Variants in TPCN1 observed in about 807,000 individuals in gnomAD.
TPCN1 encodes two pore segment channel 1.
TPCN1 carries 52 observed loss-of-function variants against 108.8 expected under a neutral mutation model. That is an observed-to-expected ratio of 0.48 (90% CI 0.38 to 0.60). The LOEUF (loss-of-function observed/expected upper bound fraction) is 0.60, where lower values mean the gene tolerates loss of function less well. Among genes scored for constraint, TPCN1 ranks in the 20% least tolerant of loss-of-function variants. TPCN1 has a pLI of 0.00. For missense variants in TPCN1, 806 were observed against 1,072.8 expected, an observed-to-expected ratio of 0.75 and a Z score of 3.47; for synonymous variants, 446 against 433.7, an observed-to-expected ratio of 1.03 and a Z score of -0.35.
chr12:113,291,107 G>A, intron 23 of TPCN1, 109 bp downstream of exon 23: 1 of 1,093,590 alleles, frequency 9.1e-7, no homozygotes, highest in Non-Finnish European at 1.4e-6. Context: ...CAGGGCTGGG[G>A]GTCTTGAGTC....
intron 2 of TPCN1, chr12:113,245,915 G>A (rs770687239): frequency 2.2e-6 from 1 of 455,396 alleles, no homozygotes; most frequent in African/African-American, 2.0e-5. Flanking sequence ...CCACCAGGAC[G>A]CTGCTGCATG....
chr12:113,270,798 G>A (rs1955468541), intron 7 of TPCN1, among the ~76,000 whole-genome samples: 1 of 151,922 alleles, frequency 6.6e-6, no homozygotes, highest in African/African-American at 2.4e-5. Context: ...TCTTTTATAG[G>A]GGCACTAATC....
Position 113,285,908 on chromosome 12 carries a change from C to T in TPCN1, c.1473C>T (p.Phe491=), listed in dbSNP as rs61739924. The change falls in exon 18 of 28, where the codon TTC becomes TTT. Residue 491 remains phenylalanine (F), a synonymous_variant. Transcript: ENST00000335509. The part of the protein sequence containing the change: ...VFLTIYGVEL[F]LKVAGLGPVE... ...CCACAGTCTATGGGGTGGAGCTGTTCCTGAAGGTTGCCGGCCTGGGCCCTG... is the reference window on the plus strand; with the variant it reads ...CCACAGTCTATGGGGTGGAGCTGTTTCTGAAGGTTGCCGGCCTGGGCCCTG... 4.5e-4 allele frequency: 731 copies of T among 1,614,172 alleles called. 8 individuals carry two copies. In the African/African-American group the frequency reaches 8.8e-3, roughly 19 times the overall value.
rs963788465 is a variant in TPCN1 at position 113,269,934 on chromosome 12, C to G, written c.748+89C>G. The G allele has an allele frequency of 7.1e-7, 1 of 1,409,032 alleles. No individual in the cohort carries two copies. Among genetic ancestry groups the G allele is most frequent in the Non-Finnish European group, 9.9e-7 (1 of 1,009,424 alleles). The allele number at this position is 1,409,032 out of a possible 1,614,324, so 87.3% of individuals were successfully genotyped here. A position where few individuals can be genotyped will look rare whatever the true frequency, so the allele number is the denominator to read the frequency against. ...ATTTTGGGCCTGGCTCAGTGGCTCACGCCTGTAATCCTAGCATTTTGGGAG... is the reference window on the plus strand; with the variant it reads ...ATTTTGGGCCTGGCTCAGTGGCTCAGGCCTGTAATCCTAGCATTTTGGGAG... On this transcript the variant is annotated intron_variant, in intron 7 of 27. Coordinates refer to ENST00000335509, the MANE Select transcript of TPCN1 (RefSeq NM_017901.6). The surrounding 1 kb of genome is among the most constrained non-coding windows in gnomAD (Gnocchi z 5.0).
Position 113,288,491 on chromosome 12 carries a change from A to G in TPCN1, c.1706+257A>G, listed in dbSNP as rs1481730715. 1 of 1,503,128 alleles carries G rather than the reference A, an allele frequency of 6.7e-7. No individual in the cohort carries two copies. The highest frequency in any genetic ancestry group is 2.5e-5 in the East Asian group (1 of 40,466). The allele number at this position is 1,503,128 out of a possible 1,614,324, so 93.1% of individuals were successfully genotyped here. On this transcript the variant is annotated intron_variant, in intron 20 of 27. Transcript: ENST00000335509. This position sits in a 1 kb window ranked among gnomAD's most constrained non-coding sequence, Gnocchi z 4.8. ...TCGCTTACCACCTGTGTCTACATTC[A>G]CAGGTAAGGGGTCACCTGTGAGTCT...
At chr12:113,291,754 C>G (rs955003731) in intron 24 of TPCN1, 77 bp downstream of exon 24, 2 of 1,579,030 alleles carry the variant, frequency 1.3e-6, no homozygotes, top group African/African-American at 2.7e-5. Flanking sequence ...CAGCCTGCAG[C>G]GTCAGGGAGT....
chr12:113,227,211 C>G (rs1953503429), intron 2 of TPCN1, among the ~76,000 whole-genome samples: 1 of 152,192 alleles, frequency 6.6e-6, no homozygotes, highest in Non-Finnish European at 1.5e-5. Context: ...TCTCCACTGC[C>G]TGCCTTGCAC....
At position 113,286,981 on chromosome 12, in the gene TPCN1, C is replaced by T; in HGVS notation, c.1527-6C>T. On this transcript the variant is annotated splice_region_variant and splice_polypyrimidine_tract_variant and intron_variant, in intron 18 of 27. Coordinates refer to ENST00000335509, the MANE Select transcript of TPCN1 (RefSeq NM_017901.6). Reference sequence around the variant, plus strand: ...AGGGTGGACCTTGGCCTCTCCCCTACTGCAGGTTTGACTTCTCCGTGACAG... The same window carrying T: ...AGGGTGGACCTTGGCCTCTCCCCTATTGCAGGTTTGACTTCTCCGTGACAG... The T allele has an allele frequency of 6.2e-7, 1 of 1,611,732 alleles. No homozygotes were observed. The highest frequency in any genetic ancestry group is 8.5e-7 in the Non-Finnish European group (1 of 1,178,414).
chr12:113,236,522 A>G (rs919463538), intron 2 of TPCN1, among the ~76,000 whole-genome samples: 1 of 152,058 alleles, frequency 6.6e-6, no homozygotes, highest in Non-Finnish European at 1.5e-5. Flanking sequence ...GGGAGGGGAA[A>G]TGGCATAGGC....
intron 27 of TPCN1, among the ~76,000 whole-genome samples, chr12:113,295,593 G>C (rs370631296): frequency 6.6e-6 from 1 of 152,028 alleles, no homozygotes; most frequent in African/African-American, 2.4e-5. Context: ...TCGGTGTCTC[G>C]GGTGTGAAAC....
At chr12:113,259,084 C>G (rs1954924097) in intron 2 of TPCN1, among the ~76,000 whole-genome samples, 1 of 151,174 alleles carries the variant, frequency 6.6e-6, no homozygotes, top group Non-Finnish European at 1.5e-5. Flanking sequence ...TCAAGTGATT[C>G]TCATGCCTCA....
In TPCN1 at chr12:113,267,906, C is replaced by G; in HGVS notation, c.478C>G (p.Arg160Gly). 6.2e-7 allele frequency: 1 copy of G among 1,614,144 alleles called. No homozygotes were observed. Among genetic ancestry groups the G allele is most frequent in the Non-Finnish European group, 8.5e-7 (1 of 1,180,012 alleles). Residue 160 changes from arginine to glycine, a missense_variant, in exon 5 of 28, where the codon CGC becomes GGC. By Grantham distance (125) the Arg-to-Gly change is moderately radical. Coordinates refer to ENST00000335509, the MANE Select transcript of TPCN1 (RefSeq NM_017901.6). ...AGTGTTTGAACTCTGCATGAAGTTA[C>G]GCTGGCTGGGCCTCCACACCTTCAT... ...VVVFELCMKL[R>G]WLGLHTFIRH...
intron 1 of TPCN1, chr12:113,225,217 G>A: frequency 2.2e-6 from 1 of 452,824 alleles, no homozygotes; most frequent in South Asian, 1.6e-5. Flanking sequence ...ATCATACCCA[G>A]CTAATTTAAA....
rs200721362 is a variant in TPCN1, at chr12:113,287,081, C to G, written c.1621C>G (p.Leu541Val). ...PFYFIVVLRP[L>V]QLLRLFKLKE... ...CTATTTCATCGTGGTCCTGCGCCCC[C>G]TCCAGCTGCTGAGGTGATGGGCAGG... Residue 541 changes from leucine to valine, a missense_variant, in exon 19 of 28, where the codon CTC (leucine) becomes GTC (valine). Coordinates refer to ENST00000335509, the MANE Select transcript of TPCN1 (RefSeq NM_017901.6). The G allele has an allele frequency of 2.8e-4, 451 of 1,613,542 alleles. 2 individuals are homozygous for G. Among genetic ancestry groups the G allele is most frequent in the Non-Finnish European group, 3.6e-4 (426 of 1,179,764 alleles).
rs1336646969 is a variant in TPCN1 at position 113,267,965 on chromosome 12, T to C, written c.528+9T>C. 2 of 1,584,902 alleles carry C rather than the reference T, an allele frequency of 1.3e-6. No homozygotes were observed. The highest frequency in any genetic ancestry group is 8.6e-7 in the Non-Finnish European group (1 of 1,156,168). On this transcript the variant is annotated intron_variant, in intron 5 of 27. Coordinates refer to ENST00000335509, the MANE Select transcript of TPCN1 (RefSeq NM_017901.6). The stretch of plus-strand genomic sequence containing the variant: ...AGCGGACCATGGTCAAGGTGATGTG[T>C]CCGCCCATCTGTCCCTCCCCTCACA...
Position 113,276,980 on chromosome 12 carries a change from T to C in TPCN1, c.1004T>C (p.Leu335Pro). ...DIEKRKFKSL[L>P]LHKRTAIQHA... ...GAGAAACGCAAGTTCAAGTCTTTGC[T>C]ACTGCACAAGCGAACCGCTATCCAG... The change falls in exon 11 of 28, where the codon CTA (leucine) becomes CCA (proline). Residue 335 changes from leucine to proline, a missense_variant. Physicochemically the swap from Leu to Pro is moderately conservative, Grantham distance 98. Coordinates refer to ENST00000335509, the MANE Select transcript of TPCN1 (RefSeq NM_017901.6). 1 of 1,614,116 alleles carries C rather than the reference T, an allele frequency of 6.2e-7. No homozygotes were observed. The highest frequency in any genetic ancestry group is 8.5e-7 in the Non-Finnish European group (1 of 1,180,016).
Position 113,293,052 on chromosome 12 carries a change from C to T in TPCN1, c.2232C>T (p.Leu744=). 1 of 1,612,700 alleles carries T rather than the reference C, an allele frequency of 6.2e-7. No individual in the cohort carries two copies. Among genetic ancestry groups the T allele is most frequent in the Non-Finnish European group, 8.5e-7 (1 of 1,179,690 alleles). Residue 744 remains leucine (L), a synonymous_variant, in exon 26 of 28, where the codon CTC becomes CTT. Coordinates refer to ENST00000335509, the MANE Select transcript of TPCN1 (RefSeq NM_017901.6). ...SSDVTRLLET[L]SQMERYQQHS... ...ATGTCACCAGGCTGCTGGAGACCCT[C>T]TCCCAGATGGAGAGATACCAGGTGA...
In TPCN1 at chr12:113,226,699, C is replaced by A. The variant is rs1002771777; in HGVS notation, c.-125-29C>A. 14 of 1,464,530 alleles carry A rather than the reference C, an allele frequency of 9.6e-6. No homozygotes were observed. The African/African-American group carries it at 1.9e-4, about 19-fold the overall frequency. 90.7% of individuals were successfully genotyped at this position (1,464,530 alleles called of 1,614,324 possible). A position where few individuals can be genotyped will look rare whatever the true frequency, so the allele number is the denominator to read the frequency against. ...GTCATGGCTGTATTTTAATAATTAT[C>A]TTTTATTTTTTTAATTCCCAAACCC... On this transcript the variant is annotated intron_variant, in intron 1 of 27. Coordinates refer to ENST00000335509, the MANE Select transcript of TPCN1 (RefSeq NM_017901.6).
In TPCN1 at chr12:113,293,327, A is replaced by G; in HGVS notation, c.2312A>G (p.Lys771Arg). The change falls in exon 27 of 28, where the codon AAG (lysine) becomes AGG (arginine). Residue 771 changes from lysine (K) to arginine (R), a missense_variant. Transcript: ENST00000335509. ...AGGACCAAGAGCGACCTGAGCCTGA[A>G]GATGTACCAGGAGGAGATCCAGGTA... Reference protein sequence around the residue: ...RSRTKSDLSLKMYQEEIQEWY... With the variant: ...RSRTKSDLSLRMYQEEIQEWY... The G allele has an allele frequency of 1.2e-6, 2 of 1,614,064 alleles. No individual in the cohort carries two copies.
Sources: allele counts gnomAD v4.1 joint callset (sites outside exome capture counted in the v4.1 genomes callset), GRCh38; gene constraint gnomAD v4.1.1; non-coding constraint Gnocchi (gnomAD v3.1); transcripts MANE v1.5; gene names NCBI Gene and HGNC (gene_info 2026-07-23, HGNC 2026-07-21).